Variants in TNRC18 observed in about 807,000 individuals in gnomAD.
TNRC18 encodes trinucleotide repeat containing 18.
A neutral mutation model predicts 226.7 loss-of-function variants in TNRC18; 69 were observed. That is an observed-to-expected ratio of 0.30 (90% CI 0.25 to 0.37). The LOEUF is 0.37. Among genes scored for constraint, TNRC18 ranks in the 10% least tolerant of loss-of-function variants. TNRC18 has a pLI of 1.00. For missense variants in TNRC18, 4,754 were observed against 4,256.6 expected, an observed-to-expected ratio of 1.12 and a Z score of -3.25; for synonymous variants, 2,449 against 1,927.6, an observed-to-expected ratio of 1.27 and a Z score of -7.09.
At chr7:5,353,401 T>C (rs1289323097) in intron 16 of TNRC18, among the ~76,000 whole-genome samples, 1 of 151,750 alleles carries the variant, frequency 6.6e-6, no homozygotes, top group South Asian at 2.1e-4. Flanking sequence ...ACTGTTGTAT[T>C]TTCTATTTGT....
In TNRC18 at chr7:5,374,205, G is replaced by T; in HGVS notation, c.3079C>A (p.Pro1027Thr). 1.4e-6 allele frequency: 2 copies of T among 1,459,892 alleles called. No individual in the cohort carries two copies. The highest frequency in any genetic ancestry group is 1.4e-5 in the South Asian group (1 of 70,908). 90.4% of individuals were successfully genotyped at this position (1,459,892 alleles called of 1,614,324 possible). Residue 1027 changes from proline (P) to threonine (T), a missense_variant, in exon 10 of 30, where the codon CCC becomes ACC. Physicochemically the swap from Pro to Thr is conservative, Grantham distance 38 (BLOSUM62 -1). Coordinates refer to ENST00000430969, the MANE Select transcript of TNRC18 (RefSeq NM_001080495.3). ...GGCGGGCTGGTGGGGTGGGAGCTGG[G>T]GGTGGCGGGGTAGGCGTAGGCGGGT... ...KPPAYAYPATPSSHPTSPPPA... is the reference protein window; with the variant it reads ...KPPAYAYPATTSSHPTSPPPA...
chr7:5,341,918 T>G (rs1443754941), intron 18 of TNRC18, among the ~76,000 whole-genome samples: 5 of 152,208 alleles, frequency 3.3e-5, no homozygotes, highest in Non-Finnish European at 7.3e-5. Context: ...ACGATGTACC[T>G]TGTCACCCAA....
At chr7:5,341,188 G>C (rs1158865721) in intron 18 of TNRC18, among the ~76,000 whole-genome samples, 1 of 151,256 alleles carries the variant, frequency 6.6e-6, no homozygotes, top group African/African-American at 2.4e-5. Flanking sequence ...GAGGCAGGCG[G>C]ATCACGATGT....
intron 24 of TNRC18, among the ~76,000 whole-genome samples, chr7:5,317,034 T>C (rs1028687523): frequency 5.9e-5 from 9 of 152,054 alleles, no homozygotes; most frequent in African/African-American, 7.2e-5. Flanking sequence ...CAAAGGGTGA[T>C]AGCCCAGCCC....
intron 5 of TNRC18, among the ~76,000 whole-genome samples, chr7:5,380,616 G>A (rs1329951251): frequency 6.6e-6 from 1 of 152,142 alleles, no homozygotes; most frequent in Non-Finnish European, 1.5e-5. Flanking sequence ...GGCCTCCAGG[G>A]CTACCTGGAC....
At chr7:5,316,520 C>G (rs1207030324) in intron 24 of TNRC18, among the ~76,000 whole-genome samples, 1 of 152,060 alleles carries the variant, frequency 6.6e-6, no homozygotes, top group Non-Finnish European at 1.5e-5. Context: ...CTCAGGTGAT[C>G]CGCCCACCTC....
At position 5,356,830 on chromosome 7, in the gene TNRC18, C is replaced by CT; in HGVS notation, c.5194+85_5194+86insA. On this transcript the variant is annotated intron_variant, in intron 16 of 29. Transcript: ENST00000430969. ...CGAGAGCGAGAGAGAGAGTGAGGGGCGGGGGGGGAAGGAGGACGGTGGAGA... is the reference window on the plus strand; with the variant it reads ...CGAGAGCGAGAGAGAGAGTGAGGGGCTGGGGGGGGAAGGAGGACGGTGGAGA... 1.1e-5 allele frequency: 9 copies of CT among 807,130 alleles called. No individual in the cohort carries two copies. In the South Asian group the frequency reaches 2.2e-4, roughly 20 times the overall value. The allele number at this position is 807,130 out of a possible 1,614,324, so 50.0% of individuals were successfully genotyped here.
intron 14 of TNRC18, among the ~76,000 whole-genome samples, chr7:5,360,949 C>T (rs980901538): frequency 6.6e-6 from 1 of 152,188 alleles, no homozygotes; most frequent in Non-Finnish European, 1.5e-5. Flanking sequence ...CCTCCTGCCC[C>T]AGGCTCCCAA....
intron 2 of TNRC18, among the ~76,000 whole-genome samples, chr7:5,415,163 C>T (rs1782098726): frequency 6.6e-6 from 1 of 152,136 alleles, no homozygotes; most frequent in African/African-American, 2.4e-5. Context: ...CTCCCACCAG[C>T]TCCAGCCATT....
chr7:5,351,674 C>T, intron 17 of TNRC18, 145 bp downstream of exon 17: 1 of 862,050 alleles, frequency 1.2e-6, no homozygotes, highest in Non-Finnish European at 1.8e-6. Context: ...TGCCAAGAAC[C>T]CAGATGGCAG....
chr7:5,317,700 G>T (rs1787989935), intron 24 of TNRC18, among the ~76,000 whole-genome samples: 1 of 124,770 alleles, frequency 8.0e-6, no homozygotes, highest in Non-Finnish European at 1.7e-5. Flanking sequence ...GAATAAGAAA[G>T]AACTCTTAAG....
At chr7:5,421,537 A>C (rs1297216737) in intron 1 of TNRC18, 48 bp from the exon 2 acceptor site, 1 of 151,932 alleles carries the variant, frequency 6.6e-6, no homozygotes, top group Non-Finnish European at 1.5e-5. Flanking sequence ...AGGGGGAAAG[A>C]AAAAAGGGAA....
chr7:5,332,629 G>A lies in TNRC18; in HGVS notation c.6140C>T (p.Pro2047Leu), dbSNP rs964387257. Residue 2047 changes from proline (P) to leucine (L), a missense_variant, in exon 19 of 30, where the codon CCC becomes CTC. By Grantham distance (98) the Pro-to-Leu change is moderately conservative. Coordinates refer to ENST00000430969, the MANE Select transcript of TNRC18 (RefSeq NM_001080495.3). ...DAGRAKDRKD[P>L]RKKKKGKEAG... is the part of the protein sequence containing the mutation. ...TCCCAGCGCGGCCCCTACCTTCCTGGGGTCCTTCCTGTCCTTTGCACGCCC... is the reference window on the plus strand; with the variant it reads ...TCCCAGCGCGGCCCCTACCTTCCTGAGGTCCTTCCTGTCCTTTGCACGCCC... 16 of 1,526,634 alleles carry A rather than the reference G, an allele frequency of 1.0e-5. No individual in the cohort carries two copies. The African/African-American group carries it at 2.1e-4, about 20-fold the overall frequency. The allele number at this position is 1,526,634 out of a possible 1,614,324, so 94.6% of individuals were successfully genotyped here.
At position 5,374,340 on chromosome 7, in the gene TNRC18, G is replaced by T; in HGVS notation, c.2944C>A (p.Pro982Thr). 7.0e-7 allele frequency: 1 copy of T among 1,422,150 alleles called. No homozygotes were observed. Among genetic ancestry groups the T allele is most frequent in the Non-Finnish European group, 9.1e-7 (1 of 1,096,462 alleles). 88.1% of individuals were successfully genotyped at this position (1,422,150 alleles called of 1,614,324 possible). A position where few individuals can be genotyped will look rare whatever the true frequency, so the allele number is the denominator to read the frequency against. The change falls in exon 10 of 30, where the codon CCC becomes ACC. Residue 982 changes from proline to threonine, a missense_variant. Transcript: ENST00000430969. The part of the protein sequence containing the change: ...PRKPPGLAAG[P>T]AGTYGKAVSP... ...ACGGCCTTGCCGTAGGTGCCCGCGG[G>T]GCCGGCGGCCAGGCCAGGGGGCTTC...
At chr7:5,316,274 C>CTTTTTT (rs1278896095) in intron 24 of TNRC18, among the ~76,000 whole-genome samples, 3,916 of 86,482 alleles carry the variant, frequency 0.045, 307 homozygotes, top group Non-Finnish European at 0.054. Flanking sequence ...AGAAATGGGT[C>CTTTTTT]TTTTTTTTTT....
chr7:5,316,886 C>T (rs1317654816), intron 24 of TNRC18, among the ~76,000 whole-genome samples: 4 of 152,066 alleles, frequency 2.6e-5, no homozygotes, highest in African/African-American at 9.7e-5. Flanking sequence ...CCAAGCACCT[C>T]CAGAGGCAGG....
Position 5,312,961 on chromosome 7 carries a change from A to G in TNRC18, c.7930T>C (p.Ser2644Pro), listed in dbSNP as rs780931978. 7.3e-6 allele frequency: 9 copies of G among 1,227,018 alleles called. No homozygotes were observed. The highest frequency in any genetic ancestry group is 1.0e-5 in the Non-Finnish European group (9 of 877,564). 76.0% of individuals were successfully genotyped at this position (1,227,018 alleles called of 1,614,324 possible). The change falls in exon 27 of 30, where the codon TCT becomes CCT. Residue 2644 changes from serine to proline, a missense_variant. Physicochemically the swap from Ser to Pro is moderately conservative, Grantham distance 74. Coordinates refer to ENST00000430969, the MANE Select transcript of TNRC18 (RefSeq NM_001080495.3). The surrounding 1 kb of genome is among the most constrained non-coding windows in gnomAD (Gnocchi z 6.3). Reference protein sequence around the residue: ...SSSSSSSSSSSSSSSSSSSSS... With the variant: ...SSSSSSSSSSPSSSSSSSSSS... ...GAGGAGGAAGAGGAGGAAGACGAAG[A>G]GGAAGAGGAGGAGGAGGAAGAGGAG...
At chr7:5,372,206 G>A (rs973127520) in intron 10 of TNRC18, among the ~76,000 whole-genome samples, 15 of 150,224 alleles carry the variant, frequency 1.0e-4, no homozygotes, top group Admixed American at 7.3e-4. Flanking sequence ...TAGCTGGGAC[G>A]ACAGGCGCCC....
Position 5,367,434 on chromosome 7 carries a change from G to GT in TNRC18, c.4219+2940dup, listed in dbSNP as rs1286081122. 1.2e-3 allele frequency among the ~76,000 whole-genome samples: 168 copies of GT among 145,980 alleles called. 3 individuals are homozygous for GT. In the East Asian group the frequency reaches 0.018, roughly 16 times the overall value. Reference sequence around the variant, plus strand: ...ACCAAGGGAATGTTTTTTGTTTTTTGTTTTTTTTTTGAGATGGAGTTCCAC... The same window carrying GT: ...ACCAAGGGAATGTTTTTTGTTTTTTGTTTTTTTTTTTGAGATGGAGTTCCAC... On this transcript the variant is annotated intron_variant, in intron 11 of 29. Transcript: ENST00000430969.
Sources: gnomAD v4.1 joint callset for allele counts (sites outside exome capture counted in the v4.1 genomes callset) on GRCh38, gnomAD v4.1.1 for gene constraint, Gnocchi (gnomAD v3.1) non-coding constraint, MANE v1.5 for transcripts, NCBI Gene and HGNC (gene_info 2026-07-23, HGNC 2026-07-21) for gene names.